The following PRKG1 variants were observed in gnomAD, a reference collection of about 807,000 sequenced individuals.
PRKG1 encodes the protein protein kinase cGMP-dependent 1.
PRKG1 carries 35 observed loss-of-function variants against 88.1 expected under a neutral mutation model. The observed-to-expected ratio is 0.40, with a 90% CI of 0.30 to 0.53. PRKG1 has a LOEUF of 0.53. Among genes scored for constraint, PRKG1 ranks in the 20% least tolerant of loss-of-function variants. The pLI, the probability that PRKG1 is intolerant of heterozygous loss-of-function variation, is 0.59. For missense variants in PRKG1, 540 were observed against 839.8 expected, an observed-to-expected ratio of 0.64 and a Z score of 4.41; for synonymous variants, 303 against 292.5, an observed-to-expected ratio of 1.04 and a Z score of -0.37.
chr10:52,121,079 C>T (rs1564477887), intron 7 of PRKG1, among the ~76,000 whole-genome samples: 2 of 152,182 alleles, frequency 1.3e-5, no homozygotes, highest in East Asian at 3.9e-4. Context: ...CAAGCTGCAC[C>T]TAGGCCCACT....
At chr10:51,195,175 T>G (rs1350695948) in intron 2 of PRKG1, among the ~76,000 whole-genome samples, 1 of 152,244 alleles carries the variant, frequency 6.6e-6, no homozygotes, top group Non-Finnish European at 1.5e-5. Context: ...GTAAGTTCAG[T>G]TCTAATAAAT....
intron 2 of PRKG1, among the ~76,000 whole-genome samples, chr10:51,244,324 T>TA (rs1554850858): frequency 6.6e-6 from 1 of 151,538 alleles, no homozygotes; most frequent in South Asian, 2.1e-4. Flanking sequence ...TTTTTTTTTT[T>TA]TACCATTTAT....
chr10:51,107,636 C>T (rs914485454), intron 1 of PRKG1, among the ~76,000 whole-genome samples: 1 of 151,582 alleles, frequency 6.6e-6, no homozygotes, highest in Non-Finnish European at 1.5e-5. Context: ...TTGAGAACAG[C>T]AACACAGTGA....
intron 7 of PRKG1, among the ~76,000 whole-genome samples, chr10:52,118,239 T>C (rs1847734629): frequency 6.6e-6 from 1 of 152,058 alleles, no homozygotes; most frequent in Non-Finnish European, 1.5e-5. Context: ...TGTTTCTCTT[T>C]CCTTGTCTGT....
intron 5 of PRKG1, among the ~76,000 whole-genome samples, chr10:51,954,765 T>C (rs112614513): frequency 1.3e-5 from 2 of 152,194 alleles, no homozygotes; most frequent in South Asian, 4.1e-4. Context: ...AACCATAGTA[T>C]TCACTCTGCT....
chr10:52,251,114 T>C (rs1016937448), intron 9 of PRKG1, among the ~76,000 whole-genome samples: 7 of 152,124 alleles, frequency 4.6e-5, no homozygotes, highest in African/African-American at 1.7e-4. Flanking sequence ...TTTTAATAAA[T>C]ATTTATAGGA....
At chr10:51,422,365 C>G (rs1838441556) in intron 2 of PRKG1, among the ~76,000 whole-genome samples, 1 of 152,176 alleles carries the variant, frequency 6.6e-6, no homozygotes. Flanking sequence ...AGACGTTTAG[C>G]ATGATGGGTA....
intron 9 of PRKG1, among the ~76,000 whole-genome samples, chr10:52,239,427 T>C (rs1840789130): frequency 1.4e-5 from 2 of 145,326 alleles, no homozygotes; most frequent in Admixed American, 1.4e-4. Flanking sequence ...ATTAGATGTG[T>C]AGAGAAACTG....
In PRKG1 at chr10:52,220,874, A is replaced by G. The variant is rs113175270; in HGVS notation, c.1077-30696A>G. On this transcript the variant is annotated intron_variant, in intron 9 of 17. Coordinates refer to ENST00000373980, the MANE Select transcript of PRKG1 (RefSeq NM_006258.4). Reference sequence around the variant, plus strand: ...GCTATTGCGAATAGTGCTGCAATGAACATCTGTATACATGTGTCTTTATAA... The same window carrying G: ...GCTATTGCGAATAGTGCTGCAATGAGCATCTGTATACATGTGTCTTTATAA... Among the ~76,000 whole-genome samples the G allele has an allele frequency of 3.5e-3, 532 of 152,244 alleles. 3 individuals are homozygous for G. Among genetic ancestry groups the G allele is most frequent in the African/African-American group, 0.012 (511 of 41,546 alleles).
chr10:51,959,437 G>A (rs1399966188), intron 5 of PRKG1, among the ~76,000 whole-genome samples: 2 of 152,112 alleles, frequency 1.3e-5, no homozygotes, highest in African/African-American at 2.4e-5. Context: ...AACTGAAGGT[G>A]GAAATGTAGA....
chr10:52,228,836 T>A (rs1840457829), intron 9 of PRKG1, among the ~76,000 whole-genome samples: 2 of 152,108 alleles, frequency 1.3e-5, no homozygotes, highest in Non-Finnish European at 2.9e-5. Flanking sequence ...TGGGCAGAAG[T>A]GGGTGGTTGA....
intron 5 of PRKG1, among the ~76,000 whole-genome samples, chr10:52,038,218 G>C (rs1305852417): frequency 6.6e-6 from 1 of 151,928 alleles, no homozygotes; most frequent in Non-Finnish European, 1.5e-5. Flanking sequence ...AGTAGAAGGA[G>C]GAATGAAGGG....
chr10:51,238,338 TGA>T (rs1337825403), intron 2 of PRKG1, among the ~76,000 whole-genome samples: 1 of 152,198 alleles, frequency 6.6e-6, no homozygotes. Context: ...CCCAGCACTT[TGA>T]GAGGCCGAAG....
intron 3 of PRKG1, among the ~76,000 whole-genome samples, chr10:51,530,158 C>T (rs1841983301): frequency 2.6e-5 from 4 of 152,088 alleles, no homozygotes; most frequent in Admixed American, 1.3e-4. Flanking sequence ...TTTATGTGTC[C>T]AGATACATAT....
intron 3 of PRKG1, among the ~76,000 whole-genome samples, chr10:51,771,759 C>G (rs1161359470): frequency 1.3e-5 from 2 of 152,230 alleles, no homozygotes; most frequent in Admixed American, 6.5e-5. Context: ...AGGTCCACCC[C>G]TAGCACTTCA....
At chr10:51,428,299 C>A (rs1564490561) in intron 2 of PRKG1, among the ~76,000 whole-genome samples, 1 of 152,166 alleles carries the variant, frequency 6.6e-6, no homozygotes. Context: ...CAAAAAGCCT[C>A]AATGAGTTAA....
chr10:51,962,190 A>C (rs959759492), intron 5 of PRKG1, among the ~76,000 whole-genome samples: 64 of 152,142 alleles, frequency 4.2e-4, no homozygotes, highest in African/African-American at 1.5e-3. Flanking sequence ...AACTAGCACC[A>C]AGGATGGGTA....
Position 51,989,859 on chromosome 10 carries a change from C to G in PRKG1, c.763-64625C>G, listed in dbSNP as rs374483569. 2.3e-3 allele frequency among the ~76,000 whole-genome samples: 347 copies of G among 152,066 alleles called. 3 individuals are homozygous for G. Among genetic ancestry groups the G allele is most frequent in the African/African-American group, 7.4e-3 (309 of 41,500 alleles). ...GCATTTGTTGCCTATGCTTTTGGGCCCTATCCAAAAATATCATTGCCCAGA... is the reference window on the plus strand; with the variant it reads ...GCATTTGTTGCCTATGCTTTTGGGCGCTATCCAAAAATATCATTGCCCAGA... On this transcript the variant is annotated intron_variant, in intron 5 of 17. Coordinates refer to ENST00000373980, the MANE Select transcript of PRKG1 (RefSeq NM_006258.4).
At chr10:51,920,339 G>A (rs12259464) in intron 5 of PRKG1, among the ~76,000 whole-genome samples, 62,189 of 151,820 alleles carry the variant, frequency 0.41, 13,380 homozygotes, top group Non-Finnish European at 0.48. Context: ...TGATTTTCCA[G>A]TATAAGGCCC....
Sources: allele counts gnomAD v4.1 joint callset (sites outside exome capture counted in the v4.1 genomes callset), GRCh38; gene constraint gnomAD v4.1.1; transcripts MANE v1.5; gene names NCBI Gene and HGNC (gene_info 2026-07-23, HGNC 2026-07-21).